MTOR: variants seen among roughly 807,000 people sequenced by gnomAD.
The protein encoded by MTOR is serine/threonine-protein kinase mTOR.
A neutral mutation model predicts 319.8 loss-of-function variants in MTOR; 70 were observed. The observed-to-expected ratio is 0.22, with a 90% CI of 0.18 to 0.27. MTOR has a LOEUF of 0.27. Ranked by LOEUF, MTOR falls within the 10% of genes least tolerant of loss-of-function variation. The pLI, the probability that MTOR is intolerant of heterozygous loss-of-function variation, is 1.00. For synonymous variants in MTOR, 1,183 were observed against 1,211.4 expected, an observed-to-expected ratio of 0.98 and a Z score of 0.49; for missense variants, 1,890 against 3,274.4, an observed-to-expected ratio of 0.58 and a Z score of 10.32.
chr1:11,145,923 G>C (rs1343632587), intron 32 of MTOR, among the ~76,000 whole-genome samples: 1 of 152,176 alleles, frequency 6.6e-6, no homozygotes. Flanking sequence ...GTCCTTATGA[G>C]GGAGTGTCTC....
chr1:11,194,385 C>A, intron 28 of MTOR: 1 of 1,394,892 alleles, frequency 7.2e-7, no homozygotes, highest in Non-Finnish European at 1.0e-6. Context: ...ATGGGACTGT[C>A]AGGAGAGAAG....
intron 23 of MTOR, among the ~76,000 whole-genome samples, chr1:11,211,527 C>T (rs893306412): frequency 6.6e-6 from 1 of 152,160 alleles, no homozygotes; most frequent in South Asian, 2.1e-4. Context: ...GTTCCTACGC[C>T]TGGCTAAGTT....
rs760193546 is a variant in MTOR at position 11,194,902 on chromosome 1, A to T, written c.4253+4356T>A. The T allele has an allele frequency of 2.5e-6, 4 of 1,614,180 alleles. No homozygotes were observed. The South Asian group carries it at 4.4e-5, about 18-fold the overall frequency. On this transcript the variant is annotated intron_variant, in intron 28 of 57. Coordinates refer to ENST00000361445, the MANE Select transcript of MTOR (RefSeq NM_004958.4). Reference sequence around the variant, plus strand: ...ACAGACTCCAACCTCAATGGAGTGTACTACCGCCTGGGTGAGCACAATAAG... The same window carrying T: ...ACAGACTCCAACCTCAATGGAGTGTTCTACCGCCTGGGTGAGCACAATAAG...
rs771270182 is a variant in MTOR, at chr1:11,240,507, T to C, written c.1582A>G (p.Ile528Val). Residue 528 changes from isoleucine (I) to valine (V), a missense_variant, in exon 11 of 58, where the codon ATT becomes GTT. Coordinates refer to ENST00000361445, the MANE Select transcript of MTOR (RefSeq NM_004958.4). ...TGAATGTCCTTCTTTAGCTGTGGAA[T>C]CTGACGGCTCAGGTCGTAGAGCACT... ...TAVLYDLSRQIPQLKKDIQDG... is the reference protein window; with the variant it reads ...TAVLYDLSRQVPQLKKDIQDG... The C allele has an allele frequency of 1.2e-5, 19 of 1,614,150 alleles. No individual in the cohort carries two copies. The highest frequency in any genetic ancestry group is 1.4e-5 in the Non-Finnish European group (17 of 1,180,022).
At chr1:11,111,037 G>A (rs1212500208) in intron 54 of MTOR, 1 of 446,176 alleles carries the variant, frequency 2.2e-6, no homozygotes, top group Non-Finnish European at 4.5e-6. Flanking sequence ...CTCCCCCAGA[G>A]ACTGTGTGTC....
intron 32 of MTOR, chr1:11,145,339 T>C (rs890360545): frequency 1.5e-5 from 6 of 409,032 alleles, no homozygotes; most frequent in Non-Finnish European, 2.7e-5. Flanking sequence ...AACCGAATCA[T>C]GGGTTCTTGC....
At chr1:11,197,236 A>T (rs1459094136) in intron 28 of MTOR, among the ~76,000 whole-genome samples, 1 of 152,204 alleles carries the variant, frequency 6.6e-6, no homozygotes, top group Non-Finnish European at 1.5e-5. Context: ...AAGACCCCTG[A>T]GAAGAATTTC....
intron 31 of MTOR, 148 bp downstream of exon 31, chr1:11,149,978 G>A: frequency 3.5e-6 from 2 of 569,244 alleles, no homozygotes; most frequent in Non-Finnish European, 6.1e-6. Context: ...AAGGACAGAT[G>A]GAAGGTGTAG....
At chr1:11,120,421 C>T (rs191850368) in intron 49 of MTOR, among the ~76,000 whole-genome samples, 142 of 152,184 alleles carry the variant, frequency 9.3e-4, no homozygotes, top group African/African-American at 3.2e-3. Flanking sequence ...GCCTGTAATC[C>T]CAGCTACTGG....
At chr1:11,224,345 T>C (rs1370229214) in intron 19 of MTOR, among the ~76,000 whole-genome samples, 1 of 152,126 alleles carries the variant, frequency 6.6e-6, no homozygotes, top group Non-Finnish European at 1.5e-5. Flanking sequence ...GATTATTGCA[T>C]AATGATAAAA....
rs577358547 is a variant in MTOR, at chr1:11,179,587, C to T, written c.4254-12070G>A. Among the ~76,000 whole-genome samples, 5 of 152,316 alleles carry T rather than the reference C, an allele frequency of 3.3e-5. No individual in the cohort carries two copies. The South Asian group carries it at 6.2e-4, about 19-fold the overall frequency. ...TCTTCTTACAATTCCTCGCTGATGG[C>T]GAGGTTTCTCCACTGAAGAGCCTTC... On this transcript the variant is annotated intron_variant, in intron 28 of 57. Transcript: ENST00000361445.
At chr1:11,233,092 G>T in intron 15 of MTOR, 2 of 1,124,358 alleles carry the variant, frequency 1.8e-6, no homozygotes, top group Non-Finnish European at 2.7e-6. Context: ...AAAAGACACT[G>T]GAGAAGAACC....
chr1:11,111,731 C>A (rs566482329), intron 54 of MTOR: 1 of 152,560 alleles, frequency 6.6e-6, no homozygotes, highest in African/African-American at 2.4e-5. Flanking sequence ...GACCACTGTA[C>A]CTCACATTTT....
At chr1:11,211,039 A>C in intron 23 of MTOR, 133 bp from the exon 24 acceptor site, 1 of 606,238 alleles carries the variant, frequency 1.6e-6, no homozygotes, top group Non-Finnish European at 2.9e-6. Context: ...TATTCAAAAG[A>C]ATCCTTCTTC....
At chr1:11,170,048 C>T (rs1404448022) in intron 28 of MTOR, among the ~76,000 whole-genome samples, 1 of 152,196 alleles carries the variant, frequency 6.6e-6, no homozygotes, top group Non-Finnish European at 1.5e-5. Context: ...GGAAGCTATG[C>T]GGCTGGTGCT....
In MTOR at chr1:11,207,409, C is replaced by CTTTTTTT. The variant is rs386366225; in HGVS notation, c.3801+1896_3801+1902dup. ...AGCCACTGCACCTGGCCCCCTACCT[C>CTTTTTTT]TTTTTTTTTTTTTTTTTTGAAGAGA... On this transcript the variant is annotated intron_variant, in intron 25 of 57. Transcript: ENST00000361445. Among the ~76,000 whole-genome samples the CTTTTTTT allele has an allele frequency of 2.5e-4, 29 of 114,166 alleles. 4 individuals carry two copies. The highest frequency in any genetic ancestry group is 2.8e-4 in the East Asian group (1 of 3,636). The allele number at this position is 114,166 out of a possible 152,430, so 74.9% of individuals were successfully genotyped here. A position where few individuals can be genotyped will look rare whatever the true frequency, so the allele number is the denominator to read the frequency against.
rs1251437993 is a variant in MTOR, at chr1:11,257,026, C to T, written c.411G>A (p.Gly137=). The change falls in exon 4 of 58, where the codon GGG becomes GGA. Residue 137 remains glycine (G), a synonymous_variant. Coordinates refer to ENST00000361445, the MANE Select transcript of MTOR (RefSeq NM_004958.4). ...CCACGTACTCAGCGGTAAAAGTGTC[C>T]CCTGCCATGGCAAGACGGCCAATGG... ...SKAIGRLAMA[G]DTFTAEYVEF... The T allele has an allele frequency of 6.2e-7, 1 of 1,614,128 alleles. No individual in the cohort carries two copies.
intron 47 of MTOR, among the ~76,000 whole-genome samples, chr1:11,123,918 G>A (rs947077377): frequency 1.3e-5 from 2 of 152,056 alleles, no homozygotes; most frequent in African/African-American, 4.8e-5. Context: ...CTCCTGAGTA[G>A]CCGGGATTAC....
At chr1:11,187,261 T>G (rs949859037) in intron 28 of MTOR, among the ~76,000 whole-genome samples, 1 of 138,216 alleles carries the variant, frequency 7.2e-6, no homozygotes, top group Non-Finnish European at 1.5e-5. Flanking sequence ...ACATCAGTGG[T>G]CCCCAATCTT....
Sources: gnomAD v4.1 joint callset for allele counts (sites outside exome capture counted in the v4.1 genomes callset) on GRCh38, gnomAD v4.1.1 for gene constraint, MANE v1.5 for transcripts, NCBI Gene and HGNC (gene_info 2026-07-23, HGNC 2026-07-21) for gene names.